The following ANKRD50 variants were observed in gnomAD, a reference collection of about 807,000 sequenced individuals.
ANKRD50 encodes ankyrin repeat domain 50.
ANKRD50 carries 40 observed loss-of-function variants against 112.0 expected under a neutral mutation model. That is an observed-to-expected ratio of 0.36 (90% CI 0.28 to 0.46). The LOEUF is 0.46. ANKRD50 is among the 20% of genes least tolerant of loss of function. ANKRD50 has a pLI of 1.00. For missense variants in ANKRD50, 1,487 were observed against 1,701.7 expected (o/e 0.87, Z 2.22); for synonymous variants, 613 against 619.1 (o/e 0.99, Z 0.15).
Position 124,710,995 on chromosome 4 carries a change from T to G in ANKRD50, c.-484A>C, listed in dbSNP as rs1302033394. On this transcript the variant is annotated 5_prime_UTR_variant, in exon 2 of 5. Coordinates refer to ENST00000504087, the MANE Select transcript of ANKRD50 (RefSeq NM_020337.3). ...TAAATGGCATCAGAGAGATTACATTTATACGGTATGAGGTACAGTATGTAA... is the reference window on the plus strand; with the variant it reads ...TAAATGGCATCAGAGAGATTACATTGATACGGTATGAGGTACAGTATGTAA... The G allele has an allele frequency of 2.5e-6, 1 of 393,858 alleles. No individual in the cohort carries two copies. Among genetic ancestry groups the G allele is most frequent in the Non-Finnish European group, 4.5e-6 (1 of 221,756 alleles). 24.4% of individuals were successfully genotyped at this position (393,858 alleles called of 1,614,324 possible). A position where few individuals can be genotyped will look rare whatever the true frequency, so the allele number is the denominator to read the frequency against.
Position 124,693,953 on chromosome 4 carries a change from T to G in ANKRD50, c.513-15048A>C, listed in dbSNP as rs142803362. On this transcript the variant is annotated intron_variant, in intron 2 of 4. Transcript: ENST00000504087. Reference sequence around the variant, plus strand: ...TTAAAGTCTTGCAAAAAGCCAGGTATTAACAATATGTTTTTATATAAGATG... The same window carrying G: ...TTAAAGTCTTGCAAAAAGCCAGGTAGTAACAATATGTTTTTATATAAGATG... Among the ~76,000 whole-genome samples the G allele has an allele frequency of 9.6e-3, 1,465 of 152,254 alleles. 12 individuals carry two copies. The highest frequency in any genetic ancestry group is 0.024 in the Middle Eastern group (7 of 294).
intron 3 of ANKRD50, among the ~76,000 whole-genome samples, chr4:124,674,755 G>T (rs1162216172): frequency 6.6e-6 from 1 of 151,638 alleles, no homozygotes; most frequent in Non-Finnish European, 1.5e-5. Flanking sequence ...AACTTACAGA[G>T]AATTTATAAT....
chr4:124,690,183 G>A (rs1725103189), intron 2 of ANKRD50, among the ~76,000 whole-genome samples: 1 of 152,144 alleles, frequency 6.6e-6, no homozygotes, highest in Admixed American at 6.5e-5. Context: ...AGGGACATTT[G>A]GAATATGCCA....
chr4:124,669,472 T>C lies in ANKRD50; in HGVS notation c.3805A>G (p.Lys1269Glu). ...KPSLKSTKAS[K>E]GGKSENSAKS... ...GCAGAATTTTCTGATTTCCCCCCTT[T>C]ACTTGCTTTAGTTGACTTCAAACTG... The change falls in exon 4 of 5, where the codon AAA (lysine) becomes GAA (glutamate). Residue 1269 changes from lysine (K) to glutamate (E), a missense_variant. Physicochemically the swap from Lys to Glu is moderately conservative, Grantham distance 56. Coordinates refer to ENST00000504087, the MANE Select transcript of ANKRD50 (RefSeq NM_020337.3). 1 of 1,612,348 alleles carries C rather than the reference T, an allele frequency of 6.2e-7. No homozygotes were observed. Among genetic ancestry groups the C allele is most frequent in the Non-Finnish European group, 8.5e-7 (1 of 1,179,566 alleles).
rs762221002 is a variant in ANKRD50, at chr4:124,670,664, A to T, written c.2613T>A (p.Ala871=). Residue 871 remains alanine, a synonymous_variant, in exon 4 of 5, where the codon GCT becomes GCA. Transcript: ENST00000504087. Reference sequence around the variant, plus strand: ...CATCATTGTCAATCTCATTTGTTCTAGCACCTTGTTCAATAAGTGCTTCAC... The same window carrying T: ...CATCATTGTCAATCTCATTTGTTCTTGCACCTTGTTCAATAAGTGCTTCAC... The part of the protein sequence containing the change: ...LICEALIEQG[A]RTNEIDNDGR... 11 of 1,613,276 alleles carry T rather than the reference A, an allele frequency of 6.8e-6. No individual in the cohort carries two copies. In the Admixed American group the frequency reaches 1.7e-4, roughly 25 times the overall value.
At chr4:124,684,990 C>G (rs1406931711) in intron 2 of ANKRD50, among the ~76,000 whole-genome samples, 1 of 152,196 alleles carries the variant, frequency 6.6e-6, no homozygotes, top group Non-Finnish European at 1.5e-5. Flanking sequence ...GGTTTCAGCA[C>G]AAGTTTTACT....
chr4:124,707,603 G>GA (rs1178484303), intron 2 of ANKRD50, among the ~76,000 whole-genome samples: 1 of 152,038 alleles, frequency 6.6e-6, no homozygotes, highest in Non-Finnish European at 1.5e-5. Flanking sequence ...GATGAAGAAA[G>GA]AAAGTGACTC....
chr4:124,691,595 G>A (rs1725140824), intron 2 of ANKRD50, among the ~76,000 whole-genome samples: 1 of 147,024 alleles, frequency 6.8e-6, no homozygotes, highest in South Asian at 2.2e-4. Context: ...TTTGGGTTAT[G>A]ATCAGCGTAA....
rs1228148899 is a variant in ANKRD50 at position 124,710,122 on chromosome 4, T to C, written c.390A>G (p.Leu130=). ...GTCCACTGCGGCAGATCTGGGCTAC[T>C]AGACCTCTAATAAACCCTCCAACAC... ...TLCVGGFIRG[L]VAQICRSGLL... Residue 130 remains leucine (L), a synonymous_variant, in exon 2 of 5, where the codon CTA becomes CTG. Transcript: ENST00000504087. 7.4e-6 allele frequency: 12 copies of C among 1,614,202 alleles called. No individual in the cohort carries two copies. The highest frequency in any genetic ancestry group is 4.5e-5 in the East Asian group (2 of 44,880).
Position 124,669,947 on chromosome 4 carries a change from T to C in ANKRD50, c.3330A>G (p.Pro1110=), listed in dbSNP as rs753981794. ...YGASSLNGCS[P]SPVHTMEQKP... is the part of the protein sequence containing the mutation. ...TTTGCTCCATTGTGTGAACAGGAGA[T>C]GGGGAACAGCCATTCAAACTAGATG... The change falls in exon 4 of 5, where the codon CCA becomes CCG. Residue 1110 remains proline, a synonymous_variant. Coordinates refer to ENST00000504087, the MANE Select transcript of ANKRD50 (RefSeq NM_020337.3). 3.1e-6 allele frequency: 5 copies of C among 1,612,870 alleles called. No homozygotes were observed. Among genetic ancestry groups the C allele is most frequent in the Admixed American group, 1.7e-5 (1 of 59,698 alleles).
intron 2 of ANKRD50, among the ~76,000 whole-genome samples, chr4:124,699,242 A>G (rs890825255): frequency 6.8e-6 from 1 of 146,410 alleles, no homozygotes; most frequent in Non-Finnish European, 1.5e-5. Flanking sequence ...ATTCAGATTT[A>G]GAAGCAGATA....
chr4:124,708,475 C>T (rs1414130789), intron 2 of ANKRD50, among the ~76,000 whole-genome samples: 1 of 152,106 alleles, frequency 6.6e-6, no homozygotes. Context: ...ATCCCTTTGG[C>T]TGACTTTAAT....
At position 124,671,037 on chromosome 4, in the gene ANKRD50, T is replaced by C. The variant is rs1730635523; in HGVS notation, c.2240A>G (p.Asp747Gly). The C allele has an allele frequency of 6.2e-7, 1 of 1,613,702 alleles. No individual in the cohort carries two copies. The highest frequency in any genetic ancestry group is 1.3e-5 in the African/African-American group (1 of 74,888). ...AGCTACCAGCAGTGGAGTCATGCCA[T>C]CTTTATCACAATGATCTACTTCAGC... ...RGAEVDHCDKDGMTPLLVAAY... is the reference protein window; with the variant it reads ...RGAEVDHCDKGGMTPLLVAAY... The change falls in exon 4 of 5, where the codon GAT becomes GGT. Residue 747 changes from aspartate (D) to glycine (G), a missense_variant. Physicochemically the swap from Asp to Gly is moderately conservative, Grantham distance 94. This residue lies in a region of ANKRD50 where 1,046 missense variants were observed against 1,269.5 expected (regional missense o/e 0.82). Coordinates refer to ENST00000504087, the MANE Select transcript of ANKRD50 (RefSeq NM_020337.3).
chr4:124,708,957 G>A (rs149932781), intron 2 of ANKRD50, among the ~76,000 whole-genome samples: 69 of 151,406 alleles, frequency 4.6e-4, no homozygotes, highest in African/African-American at 1.6e-3. Flanking sequence ...CTTTCAAAAT[G>A]TATAGATTTC....
At position 124,672,395 on chromosome 4, in the gene ANKRD50, T is replaced by C; in HGVS notation, c.882A>G (p.Gln294=). Residue 294 remains glutamine (Q), a synonymous_variant, in exon 4 of 5, where the codon CAA becomes CAG. Transcript: ENST00000504087. Reference sequence around the variant, plus strand: ...AGCATCCACTGCTTTTAATGTGCAGTTGATTTAACATCTCTGCAGTTTCTT... The same window carrying C: ...AGCATCCACTGCTTTTAATGTGCAGCTGATTTAACATCTCTGCAGTTTCTT... ...LTKETAEMLN[Q]LHIKSSGCFL... 1 of 1,613,334 alleles carries C rather than the reference T, an allele frequency of 6.2e-7. No homozygotes were observed. The highest frequency in any genetic ancestry group is 8.5e-7 in the Non-Finnish European group (1 of 1,179,730).
chr4:124,708,251 A>G (rs1725549759), intron 2 of ANKRD50, among the ~76,000 whole-genome samples: 1 of 152,156 alleles, frequency 6.6e-6, no homozygotes, highest in Admixed American at 6.5e-5. Context: ...TATTCTGTAC[A>G]GTGATTCCAT....
rs1383533567 is a variant in ANKRD50, at chr4:124,670,035, G to C, written c.3242C>G (p.Ala1081Gly). Reference protein sequence around the residue: ...PNHADQFGRTAMRVAAKNGHS... With the variant: ...PNHADQFGRTGMRVAAKNGHS... ...TCCATTTTTGGCTGCAACACGCATA[G>C]CAGTGCGTCCAAATTGATCAGCATG... is the stretch of plus-strand genomic sequence containing the variant. Residue 1081 changes from alanine to glycine, a missense_variant, in exon 4 of 5, where the codon GCT (alanine) becomes GGT (glycine). Ala to Gly is a moderately conservative substitution (Grantham distance 60). This residue lies in a region of ANKRD50 where 441 missense variants were observed against 432.2 expected (regional missense o/e 1.02). Coordinates refer to ENST00000504087, the MANE Select transcript of ANKRD50 (RefSeq NM_020337.3). The C allele has an allele frequency of 1.2e-6, 2 of 1,611,628 alleles. No individual in the cohort carries two copies. Among genetic ancestry groups the C allele is most frequent in the Non-Finnish European group, 1.7e-6 (2 of 1,179,404 alleles).
rs569324808 is a variant in ANKRD50 at position 124,691,028 on chromosome 4, G to C, written c.513-12123C>G. ...AAGAGTAAATGGTAGAGGAATATCA[G>C]GAGGAACAATCAAATAGGACTGAGA... On this transcript the variant is annotated intron_variant, in intron 2 of 4. Transcript: ENST00000504087. Among the ~76,000 whole-genome samples, 4 of 152,156 alleles carry C rather than the reference G, an allele frequency of 2.6e-5. No individual in the cohort carries two copies. In the South Asian group the frequency reaches 6.2e-4, roughly 24 times the overall value.
chr4:124,678,616 C>G, intron 3 of ANKRD50, 60 bp downstream of exon 3: 2 of 1,472,150 alleles, frequency 1.4e-6, no homozygotes, highest in Non-Finnish European at 1.9e-6. Context: ...ACTTTTTCCT[C>G]TAAGAAACTA....
Sources: gnomAD v4.1 joint callset for allele counts (sites outside exome capture counted in the v4.1 genomes callset) on GRCh38, gnomAD v4.1.1 for gene constraint, gnomAD v4.1.1 regional missense constraint, MANE v1.5 for transcripts, NCBI Gene and HGNC (gene_info 2026-07-23, HGNC 2026-07-21) for gene names.